Variants in TUBGCP5 observed in about 807,000 individuals in gnomAD.
TUBGCP5 encodes tubulin gamma complex component 5.
A neutral mutation model predicts 134.7 loss-of-function variants in TUBGCP5; 98 were observed. That is an observed-to-expected ratio of 0.73 (90% CI 0.62 to 0.86). TUBGCP5 has a LOEUF of 0.86. TUBGCP5 is among the 40% of genes least tolerant of loss of function. The pLI, the probability that TUBGCP5 is intolerant of heterozygous loss-of-function variation, is 0.00. For synonymous variants in TUBGCP5, 456 were observed against 431.4 expected, an observed-to-expected ratio of 1.06 and a Z score of -0.71; for missense variants, 1,150 against 1,244.8, an observed-to-expected ratio of 0.92 and a Z score of 1.15.
chr15:23,037,569 C>T, intron 1 of TUBGCP5, among the ~76,000 whole-genome samples: 1 of 152,240 alleles, frequency 6.6e-6, no homozygotes, highest in East Asian at 1.9e-4. Flanking sequence ...TACTGAGATA[C>T]AGTTGTCAAA....
rs376915189 is a variant in TUBGCP5 at position 22,999,774 on chromosome 15, A to C, written c.*46T>G. On this transcript the variant is annotated 3_prime_UTR_variant, in exon 23 of 23. Transcript: ENST00000615383. ...TTTCAGCTGCACATGGTGGAAATGT[A>C]CATGTATGATGACAAAGTCGGAGAT... 6 of 1,579,216 alleles carry C rather than the reference A, an allele frequency of 3.8e-6. No individual in the cohort carries two copies. The highest frequency in any genetic ancestry group is 5.2e-6 in the Non-Finnish European group (6 of 1,148,584).
chr15:23,009,781 T>A (rs2064930012), intron 15 of TUBGCP5, among the ~76,000 whole-genome samples, 164 bp downstream of exon 15: 1 of 152,204 alleles, frequency 6.6e-6, no homozygotes, highest in Non-Finnish European at 1.5e-5. Flanking sequence ...TTTCAAAACA[T>A]AGTTAAGAAA....
rs192440577 is a variant in TUBGCP5, at chr15:23,038,904, G to A, written c.146+494C>T. Among the ~76,000 whole-genome samples, 64 of 152,304 alleles carry A rather than the reference G, an allele frequency of 4.2e-4. No homozygotes were observed. In the East Asian group the frequency reaches 6.6e-3, roughly 16 times the overall value. On this transcript the variant is annotated intron_variant, in intron 1 of 22. Coordinates refer to ENST00000615383, the MANE Select transcript of TUBGCP5 (RefSeq NM_052903.6). ...CAGCATTCTAGCTGGAGTGGAAGTG[G>A]AGGAGACAGTAATGACAGGTTAAAT... is the stretch of plus-strand genomic sequence containing the variant.
intron 18 of TUBGCP5, 108 bp downstream of exon 18, chr15:23,005,944 T>TTC (rs72418935): frequency 0.06 from 35,161 of 588,386 alleles, 16 homozygotes; most frequent in East Asian, 0.098. Context: ...AACCACCAAC[T>TTC]TTTTTTTTTT....
chr15:23,005,960 G>C (rs1029325613), intron 18 of TUBGCP5, 92 bp downstream of exon 18: 1 of 1,264,436 alleles, frequency 7.9e-7, no homozygotes. Context: ...TTTTTTTCCA[G>C]ATCCCCGTAT....
chr15:23,000,180 T>C, intron 22 of TUBGCP5: 1 of 917,818 alleles, frequency 1.1e-6, no homozygotes, highest in Admixed American at 4.0e-5. Context: ...GGGCTGGGAT[T>C]AGAGGCATGA....
chr15:23,030,335 T>C (rs528908287), intron 6 of TUBGCP5, among the ~76,000 whole-genome samples: 4 of 152,302 alleles, frequency 2.6e-5, no homozygotes, highest in African/African-American at 9.6e-5. Flanking sequence ...TGGGTCACAC[T>C]GACACCAAGT....
chr15:23,011,143 T>C lies in TUBGCP5; in HGVS notation c.1945A>G (p.Asn649Asp). The C allele has an allele frequency of 1.9e-6, 3 of 1,614,062 alleles. No homozygotes were observed. Among genetic ancestry groups the C allele is most frequent in the Non-Finnish European group, 2.5e-6 (3 of 1,179,988 alleles). ...GCAGGTGTGTCTCACCTTGCAAAGT[T>C]AATGGCAAGCAGTGGATCATGAACA... ...DDVHDPLLAI[N>D]FARMYLEQSD... The change falls in exon 14 of 23, where the codon AAC becomes GAC. Residue 649 changes from asparagine (N) to aspartate (D), a missense_variant. This residue lies in a region of TUBGCP5 where 697 missense variants were observed against 850.1 expected (regional missense o/e 0.82). Transcript: ENST00000615383.
chr15:23,028,755 A>G (rs369438171), intron 6 of TUBGCP5, among the ~76,000 whole-genome samples: 1 of 152,162 alleles, frequency 6.6e-6, no homozygotes. Context: ...GCCCACTCCC[A>G]TGAGCTGTTG....
chr15:23,024,893 GC>G, intron 8 of TUBGCP5, 63 bp from the exon 9 acceptor site: 1 of 998,936 alleles, frequency 1.0e-6, no homozygotes, highest in Admixed American at 2.3e-5. Flanking sequence ...ATGACAGTAT[GC>G]CCAGGACATT....
chr15:23,023,234 G>A (rs143435522), intron 10 of TUBGCP5: 1 of 152,104 alleles, frequency 6.6e-6, no homozygotes, highest in African/African-American at 2.4e-5. Flanking sequence ...GGAGGCTGAG[G>A]CAGGAGGATG....
At chr15:23,002,197 T>C (rs2140408410) in intron 21 of TUBGCP5, among the ~76,000 whole-genome samples, 1 of 151,812 alleles carries the variant, frequency 6.6e-6, no homozygotes, top group East Asian at 1.9e-4. Context: ...GCCAGCAATA[T>C]AAAGCGAGGA....
At position 23,036,775 on chromosome 15, in the gene TUBGCP5, G is replaced by A. The variant is rs998474750; in HGVS notation, c.309+122C>T. The A allele has an allele frequency of 5.6e-6, 4 of 714,494 alleles. No individual in the cohort carries two copies. In the Admixed American group the frequency reaches 7.9e-5, roughly 14 times the overall value. The allele number at this position is 714,494 out of a possible 1,614,324, so 44.3% of individuals were successfully genotyped here. ...GCAATATTTAAGTAAATTTCCAAGA[G>A]ATCCCGTTAGCCAGTAGATAATACT... On this transcript the variant is annotated intron_variant, in intron 3 of 22. Transcript: ENST00000615383.
At chr15:23,017,722 A>AG in intron 13 of TUBGCP5, 51 bp downstream of exon 13, 1 of 1,545,570 alleles carries the variant, frequency 6.5e-7, no homozygotes, top group African/African-American at 1.4e-5. Context: ...AAGAGCGAGT[A>AG]GGGTCAGGTG....
At chr15:23,025,763 G>A (rs1210646066) in intron 8 of TUBGCP5, among the ~76,000 whole-genome samples, 1 of 150,422 alleles carries the variant, frequency 6.6e-6, no homozygotes, top group Non-Finnish European at 1.5e-5. Context: ...CCCAGGAGGT[G>A]AAGCTTGCAG....
chr15:23,012,188 A>G (rs896016818), intron 13 of TUBGCP5, among the ~76,000 whole-genome samples: 1 of 151,876 alleles, frequency 6.6e-6, no homozygotes, highest in Non-Finnish European at 1.5e-5. Context: ...GCATAACACT[A>G]TGGTAACCCT....
At chr15:23,034,585 CG>C (rs1446405753) in intron 3 of TUBGCP5, among the ~76,000 whole-genome samples, 1 of 152,052 alleles carries the variant, frequency 6.6e-6, no homozygotes, top group Non-Finnish European at 1.5e-5. Flanking sequence ...CAGAGCAGGC[CG>C]GGGTGGCTCA....
At chr15:23,030,546 T>C (rs920099961) in intron 6 of TUBGCP5, among the ~76,000 whole-genome samples, 1 of 148,744 alleles carries the variant, frequency 6.7e-6, no homozygotes, top group Non-Finnish European at 1.5e-5. Flanking sequence ...TCTCGCTCTG[T>C]TGCCAGAGCT....
chr15:23,025,482 G>C (rs2065930501), intron 8 of TUBGCP5, among the ~76,000 whole-genome samples: 1 of 152,200 alleles, frequency 6.6e-6, no homozygotes, highest in South Asian at 2.1e-4. Context: ...TGCCGCATTA[G>C]ATTCCTGGCT....
Sources: allele counts gnomAD v4.1 joint callset (sites outside exome capture counted in the v4.1 genomes callset), GRCh38; gene constraint gnomAD v4.1.1; regional missense constraint gnomAD v4.1.1; transcripts MANE v1.5; gene names NCBI Gene and HGNC (gene_info 2026-07-23, HGNC 2026-07-21).